HIBCH: variants seen among roughly 807,000 people sequenced by gnomAD.
The protein encoded by HIBCH is 3-hydroxyisobutyryl-CoA hydrolase, mitochondrial.
HIBCH carries 50 observed loss-of-function variants against 58.2 expected under a neutral mutation model. The ratio of observed to expected loss-of-function variants is 0.86; its 90% confidence interval spans 0.68 to 1.09. The LOEUF (loss-of-function observed/expected upper bound fraction) is 1.09, where lower values mean the gene tolerates loss of function less well. Among genes scored for constraint, HIBCH ranks in the 50% least tolerant of loss-of-function variants. The pLI, the probability that HIBCH is intolerant of heterozygous loss-of-function variation, is 0.00. For synonymous variants in HIBCH, 151 were observed against 146.9 expected, an observed-to-expected ratio of 1.03 and a Z score of -0.20; for missense variants, 450 against 449.7, an observed-to-expected ratio of 1.00 and a Z score of -0.01.
intron 1 of HIBCH, among the ~76,000 whole-genome samples, chr2:190,190,926 G>C (rs1689681162): frequency 6.6e-6 from 1 of 151,974 alleles, no homozygotes; most frequent in African/African-American, 2.4e-5. Flanking sequence ...CTGCCCTTTT[G>C]GTCACAGTCT....
At chr2:190,302,353 C>G (rs770972794) in intron 2 of HIBCH, among the ~76,000 whole-genome samples, 8 of 152,178 alleles carry the variant, frequency 5.3e-5, no homozygotes, top group African/African-American at 1.9e-4. Flanking sequence ...CATGTATGCA[C>G]ATGCATGCCA....
chr2:190,277,338 T>C (rs1687580663), intron 6 of HIBCH, among the ~76,000 whole-genome samples: 1 of 152,174 alleles, frequency 6.6e-6, no homozygotes, highest in African/African-American at 2.4e-5. Context: ...AAAATAAAAC[T>C]GTCATTTTCT....
At chr2:190,219,039 G>C (rs747094068) in intron 11 of HIBCH, among the ~76,000 whole-genome samples, 9 of 152,164 alleles carry the variant, frequency 5.9e-5, no homozygotes, top group Admixed American at 3.9e-4. Flanking sequence ...ATGGGAAAGG[G>C]AACCTCCGTA....
intron 1 of HIBCH, among the ~76,000 whole-genome samples, chr2:190,311,480 T>C (rs564857720): frequency 1.3e-5 from 2 of 152,346 alleles, no homozygotes; most frequent in South Asian, 2.1e-4. Flanking sequence ...TTGTTAAAGA[T>C]GCAATACAAA....
At chr2:190,200,888 GCAATC>G (rs1690216370), downstream of HIBCH, 2 of 166,996 alleles carry the variant, frequency 1.2e-5, no homozygotes, top group Non-Finnish European at 2.9e-5. Context: ...TTTACAAAGA[GCAATC>G]CAATAAATCT....
intron 11 of HIBCH, among the ~76,000 whole-genome samples, chr2:190,220,131 A>G (rs1204817316): frequency 6.6e-6 from 1 of 152,248 alleles, no homozygotes; most frequent in Non-Finnish European, 1.5e-5. Flanking sequence ...TAAAGGTGCT[A>G]TCACTAGTTC....
intron 11 of HIBCH, among the ~76,000 whole-genome samples, chr2:190,232,438 T>C (rs1470094355): frequency 6.6e-6 from 1 of 152,168 alleles, no homozygotes; most frequent in Non-Finnish European, 1.5e-5. Flanking sequence ...ATAAAAGTCC[T>C]GTGTGCCAAG....
chr2:190,221,114 T>A (rs1376380289), intron 11 of HIBCH, among the ~76,000 whole-genome samples: 3 of 152,128 alleles, frequency 2.0e-5, no homozygotes, highest in Admixed American at 2.0e-4. Context: ...CACACACAAA[T>A]AGGAAGAAAA....
intron 6 of HIBCH, among the ~76,000 whole-genome samples, chr2:190,280,699 C>T (rs910394082): frequency 2.7e-4 from 41 of 152,238 alleles, no homozygotes; most frequent in African/African-American, 9.6e-4. Context: ...TATGGCCCCT[C>T]GAGTGCTGGC....
chr2:190,206,227 T>G lies in HIBCH; in HGVS notation c.1046-995A>C, dbSNP rs376660906. On this transcript the variant is annotated intron_variant, in intron 13 of 13. Coordinates refer to ENST00000359678, the MANE Select transcript of HIBCH (RefSeq NM_014362.4). The surrounding 1 kb of genome is among the most constrained non-coding windows in gnomAD (Gnocchi z 5.1). The stretch of plus-strand genomic sequence containing the variant: ...ACAATTAAATGCAGATACGGGAGGT[T>G]TGTTTTTAAGATTTAACTGCCTACT... 8.5e-5 allele frequency among the ~76,000 whole-genome samples: 13 copies of G among 152,182 alleles called. No homozygotes were observed. The highest frequency in any genetic ancestry group is 3.1e-4 in the African/African-American group (13 of 41,450).
chr2:190,313,021 C>T (rs1024945776), intron 1 of HIBCH, among the ~76,000 whole-genome samples: 11 of 152,220 alleles, frequency 7.2e-5, no homozygotes, highest in African/African-American at 2.7e-4. Flanking sequence ...ATAGCTTAAA[C>T]CTGGGAGGCA....
chr2:190,206,502 T>C lies in HIBCH; in HGVS notation c.1046-1270A>G, dbSNP rs945674553. 2.0e-5 allele frequency among the ~76,000 whole-genome samples: 3 copies of C among 152,234 alleles called. No homozygotes were observed. Among genetic ancestry groups the C allele is most frequent in the Admixed American group, 2.0e-4 (3 of 15,280 alleles). Reference sequence around the variant, plus strand: ...TATTTCAAGCTAACAATTTTTTTACTAGAATACATACAAGTTCGTGCCATG... The same window carrying C: ...TATTTCAAGCTAACAATTTTTTTACCAGAATACATACAAGTTCGTGCCATG... On this transcript the variant is annotated intron_variant, in intron 13 of 13. Transcript: ENST00000359678. This position sits in a 1 kb window ranked among gnomAD's most constrained non-coding sequence, Gnocchi z 5.1.
At chr2:190,276,744 A>G (rs1687563362) in intron 6 of HIBCH, among the ~76,000 whole-genome samples, 1 of 152,182 alleles carries the variant, frequency 6.6e-6, no homozygotes, top group Non-Finnish European at 1.5e-5. Flanking sequence ...TGAGCCAAAT[A>G]AAATACCCAG....
At chr2:190,260,908 ATAGTGT>A (rs1559039739) in intron 7 of HIBCH, among the ~76,000 whole-genome samples, 1 of 152,176 alleles carries the variant, frequency 6.6e-6, no homozygotes, top group Non-Finnish European at 1.5e-5. Flanking sequence ...TATTTTATCT[ATAGTGT>A]TAATGTTTTA....
intron 11 of HIBCH, among the ~76,000 whole-genome samples, chr2:190,219,966 T>C (rs1279010347): frequency 1.3e-5 from 2 of 152,340 alleles, no homozygotes; most frequent in Non-Finnish European, 2.9e-5. Context: ...GTCTTAACTA[T>C]AGTCTTCACC....
chr2:190,291,517 T>G lies in HIBCH; in HGVS notation c.305-1032A>C, dbSNP rs138269202. Among the ~76,000 whole-genome samples the G allele has an allele frequency of 6.7e-3, 1,017 of 151,590 alleles. 22 individuals carry two copies. The highest frequency in any genetic ancestry group is 0.024 in the African/African-American group (979 of 41,334). On this transcript the variant is annotated intron_variant, in intron 4 of 13. Coordinates refer to ENST00000359678, the MANE Select transcript of HIBCH (RefSeq NM_014362.4). ...AAGCCTCAAAGTCAAGAAAGAAGAG[T>G]AAAATCAAGAATCAAACAGCTTTAA...
chr2:190,293,712 T>C (rs2105988826), intron 4 of HIBCH, among the ~76,000 whole-genome samples: 1 of 151,840 alleles, frequency 6.6e-6, no homozygotes, highest in South Asian at 2.1e-4. Flanking sequence ...CAAACAAACA[T>C]ATAAAATTAA....
Position 190,276,992 on chromosome 2 carries a change from T to G in HIBCH, c.438+10594A>C, listed in dbSNP as rs1687568764. Among the ~76,000 whole-genome samples the G allele has an allele frequency of 2.0e-5, 3 of 152,360 alleles. No individual in the cohort carries two copies. In the South Asian group the frequency reaches 6.2e-4, roughly 32 times the overall value. On this transcript the variant is annotated intron_variant, in intron 6 of 13. Transcript: ENST00000359678. ...AGAAAAAAAGTTATTTTTATTTCTA[T>G]CTTAATTAATTCCATTTTTCCACAA...
At chr2:190,285,096 G>T (rs1687798153) in intron 6 of HIBCH, among the ~76,000 whole-genome samples, 2 of 152,070 alleles carry the variant, frequency 1.3e-5, no homozygotes, top group South Asian at 2.1e-4. Flanking sequence ...TTCACTATCT[G>T]TAATATTAAA....
Sources: allele counts gnomAD v4.1 joint callset (sites outside exome capture counted in the v4.1 genomes callset), GRCh38; gene constraint gnomAD v4.1.1; non-coding constraint Gnocchi (gnomAD v3.1); transcripts MANE v1.5; gene names NCBI Gene and HGNC (gene_info 2026-07-23, HGNC 2026-07-21).